Variants in XRCC4 observed in about 807,000 individuals in gnomAD.
XRCC4 encodes X-ray repair cross complementing 4.
In XRCC4, 28 loss-of-function variants were observed where a neutral mutation model predicts 39.1. The observed-to-expected ratio is 0.72, with a 90% CI of 0.53 to 0.98. The LOEUF is 0.98. XRCC4 is among the 50% of genes least tolerant of loss of function. The probability of loss-of-function intolerance (pLI) is 0.00; values close to 1 mark genes in which losing one functional copy is unlikely to be tolerated. For missense variants in XRCC4, 350 were observed against 376.4 expected, an observed-to-expected ratio of 0.93 and a Z score of 0.58; for synonymous variants, 123 against 126.4, an observed-to-expected ratio of 0.97 and a Z score of 0.18.
chr5:83,124,909 C>T (rs962799705), intron 3 of XRCC4, among the ~76,000 whole-genome samples: 1 of 152,162 alleles, frequency 6.6e-6, no homozygotes, highest in African/African-American at 2.4e-5. Flanking sequence ...TTAACTTTAT[C>T]AGCAAGTGCT....
chr5:83,132,563 G>A lies in XRCC4; in HGVS notation c.315+21360G>A, dbSNP rs147070850. Among the ~76,000 whole-genome samples the A allele has an allele frequency of 4.8e-3, 725 of 151,882 alleles. 7 individuals are homozygous for A. Among genetic ancestry groups the A allele is most frequent in the Admixed American group, 0.011 (171 of 15,244 alleles). On this transcript the variant is annotated intron_variant, in intron 3 of 7. Coordinates refer to ENST00000396027, the MANE Select transcript of XRCC4 (RefSeq NM_003401.5). ...CTTTTCACATAGTCCCATATTTCTC[G>A]GAGGCTTTGTTCATTTCTTTTTACT... is the stretch of plus-strand genomic sequence containing the variant.
intron 6 of XRCC4, among the ~76,000 whole-genome samples, chr5:83,256,124 G>A (rs1391011362): frequency 6.6e-6 from 1 of 152,142 alleles, no homozygotes; most frequent in African/African-American, 2.4e-5. Context: ...GTTATTGATT[G>A]AAATATGAAT....
At chr5:83,150,892 A>G (rs1230514298) in intron 3 of XRCC4, among the ~76,000 whole-genome samples, 4 of 152,098 alleles carry the variant, frequency 2.6e-5, no homozygotes, top group Non-Finnish European at 1.5e-5. Flanking sequence ...TGTAATTGAT[A>G]GATAGATACC....
chr5:83,077,696 A>T (rs981241830), intron 1 of XRCC4, 81 bp downstream of exon 1: 3 of 222,284 alleles, frequency 1.3e-5, no homozygotes, highest in African/African-American at 2.3e-5. Context: ...CTTTCTTTTT[A>T]AAAAAGTTCC....
rs576376735 is a variant in XRCC4 at position 83,283,903 on chromosome 5, G to A, written c.893+25226G>A. 5.1e-4 allele frequency among the ~76,000 whole-genome samples: 78 copies of A among 151,852 alleles called. No individual in the cohort carries two copies. The South Asian group carries it at 7.5e-3, about 15-fold the overall frequency. On this transcript the variant is annotated intron_variant, in intron 7 of 7. Coordinates refer to ENST00000396027, the MANE Select transcript of XRCC4 (RefSeq NM_003401.5). Reference sequence around the variant, plus strand: ...TCAGGACTTTCCCATGGTTTCTTTCGCATTTTAATGTTGAGAAGTGAAAAC... The same window carrying A: ...TCAGGACTTTCCCATGGTTTCTTTCACATTTTAATGTTGAGAAGTGAAAAC...
At chr5:83,220,428 G>A (rs1198143191) in intron 6 of XRCC4, among the ~76,000 whole-genome samples, 1 of 152,088 alleles carries the variant, frequency 6.6e-6, no homozygotes, top group African/African-American at 2.4e-5. Context: ...AGCATCGCCT[G>A]TAAGCCATAT....
At chr5:83,355,803 A>AT (rs1171622824), downstream of XRCC4, among the ~76,000 whole-genome samples, 1 of 151,940 alleles carries the variant, frequency 6.6e-6, no homozygotes, top group Non-Finnish European at 1.5e-5. Context: ...CACCCGGCTA[A>AT]TTTTTTGTAT....
chr5:83,195,998 T>C (rs1371728490), intron 4 of XRCC4, 62 bp downstream of exon 4: 13 of 1,448,584 alleles, frequency 9.0e-6, no homozygotes, highest in Non-Finnish European at 1.2e-5. Flanking sequence ...GTTATAGCTT[T>C]AAGTTAATGA....
intron 7 of XRCC4, among the ~76,000 whole-genome samples, chr5:83,309,296 A>AATATATATATATATATATATATATAT (rs1225850304): frequency 1.2e-4 from 9 of 72,220 alleles, no homozygotes; most frequent in Non-Finnish European, 1.7e-4. Flanking sequence ...AAAAAAAAAA[A>AATATATATATATATATATATATATAT]ATATATATAT....
intron 7 of XRCC4, among the ~76,000 whole-genome samples, chr5:83,276,298 T>G (rs1205536532): frequency 6.6e-6 from 1 of 152,116 alleles, no homozygotes; most frequent in East Asian, 1.9e-4. Context: ...AGCTATGATG[T>G]TTGGTAGATG....
At chr5:83,179,970 A>C (rs1237497244) in intron 3 of XRCC4, among the ~76,000 whole-genome samples, 1 of 152,170 alleles carries the variant, frequency 6.6e-6, no homozygotes, top group African/African-American at 2.4e-5. Context: ...AAATATAGAA[A>C]AAGTGTAAGA....
rs77636772 is a variant in XRCC4 at position 83,274,603 on chromosome 5, G to A, written c.893+15926G>A. On this transcript the variant is annotated intron_variant, in intron 7 of 7. Transcript: ENST00000396027. ...GAAATATGCAGATAATTAAGGTGAT[G>A]CAAAAGATAGTGATGAGGTGGTTCC... Among the ~76,000 whole-genome samples the A allele has an allele frequency of 4.2e-3, 633 of 152,326 alleles. 3 individuals are homozygous for A. The highest frequency in any genetic ancestry group is 6.9e-3 in the Non-Finnish European group (470 of 68,036).
chr5:83,185,072 G>A (rs895175846), intron 3 of XRCC4, among the ~76,000 whole-genome samples: 6 of 151,832 alleles, frequency 4.0e-5, no homozygotes, highest in African/African-American at 9.7e-5. Context: ...GTTTTGATAC[G>A]ACCAAGGGAT....
intron 5 of XRCC4, among the ~76,000 whole-genome samples, chr5:83,203,978 A>G (rs1751318349): frequency 6.6e-6 from 1 of 152,148 alleles, no homozygotes; most frequent in African/African-American, 2.4e-5. Context: ...AGACATTAGT[A>G]AGACATACTA....
At position 83,329,411 on chromosome 5, in the gene XRCC4, C is replaced by T. The variant is rs143353703; in HGVS notation, c.894-23720C>T. 6.6e-5 allele frequency among the ~76,000 whole-genome samples: 10 copies of T among 152,008 alleles called. No individual in the cohort carries two copies. The East Asian group carries it at 1.5e-3, about 24-fold the overall frequency. ...GACAAAGAATTTGTATTCTCTAAGT[C>T]GATTAAATAAAAGCCAAGAAAACAA... On this transcript the variant is annotated intron_variant, in intron 7 of 7. Transcript: ENST00000396027.
At chr5:83,242,388 T>C (rs1429559585) in intron 6 of XRCC4, among the ~76,000 whole-genome samples, 1 of 152,198 alleles carries the variant, frequency 6.6e-6, no homozygotes, top group African/African-American at 2.4e-5. Flanking sequence ...TCCTTTATTT[T>C]AAAACAAATA....
At chr5:83,365,991 T>C in the XRCC4 span, among the ~76,000 whole-genome samples, 1 of 152,284 alleles carries the variant, frequency 6.6e-6, no homozygotes, top group South Asian at 2.1e-4. Context: ...GAATCAATTT[T>C]CCCCTCCTTC....
intron 7 of XRCC4, among the ~76,000 whole-genome samples, chr5:83,322,012 A>G (rs1756093113): frequency 6.6e-6 from 1 of 150,828 alleles, no homozygotes. Flanking sequence ...CCTTCTAAAG[A>G]TGATAATTGT....
chr5:83,085,620 T>A (rs1014964465), intron 1 of XRCC4, among the ~76,000 whole-genome samples: 2 of 152,182 alleles, frequency 1.3e-5, no homozygotes, highest in Admixed American at 6.5e-5. Context: ...ATCTATAAAT[T>A]GAATTTTAAA....
Sources: allele counts gnomAD v4.1 joint callset (sites outside exome capture counted in the v4.1 genomes callset), GRCh38; gene constraint gnomAD v4.1.1; transcripts MANE v1.5; gene names NCBI Gene and HGNC (gene_info 2026-07-23, HGNC 2026-07-21).